Variants in FOXN2 observed in about 807,000 individuals in gnomAD.
FOXN2 encodes forkhead box protein N2.
In FOXN2, 19 loss-of-function variants were observed where a neutral mutation model predicts 41.2. The ratio of observed to expected loss-of-function variants is 0.46; its 90% CI spans 0.32 to 0.68. The LOEUF (loss-of-function observed/expected upper bound fraction) is 0.68, where lower values mean the gene tolerates loss of function less well. FOXN2 is among the 30% of genes least tolerant of loss of function. FOXN2 has a pLI of 0.03. For synonymous variants in FOXN2, 195 were observed against 176.8 expected (o/e 1.10, Z -0.82); for missense variants, 587 against 509.4 (o/e 1.15, Z -1.47).
At chr2:48,357,862 GAAAAAAAAAAA>G (rs200738115) in intron 3 of FOXN2, among the ~76,000 whole-genome samples, 5 of 113,710 alleles carry the variant, frequency 4.4e-5, no homozygotes, top group Non-Finnish European at 9.1e-5. Context: ...GTCTTTTATT[GAAAAAAAAAAA>G]AAAAAAAAGA....
Position 48,375,541 on chromosome 2 carries a change from C to A in FOXN2, c.*98C>A. The A allele has an allele frequency of 8.4e-7, 1 of 1,188,724 alleles. No homozygotes were observed. The highest frequency in any genetic ancestry group is 1.1e-6 in the Non-Finnish European group (1 of 873,126). The allele number at this position is 1,188,724 out of a possible 1,614,324, so 73.6% of individuals were successfully genotyped here. A position where few individuals can be genotyped will look rare whatever the true frequency, so the allele number is the denominator to read the frequency against. ...TTAGTTTTAGGGTAGGGAAGGGATA[C>A]TAATTACTTATTTCTTTCAAAACAT... On this transcript the variant is annotated 3_prime_UTR_variant, in exon 7 of 7. Transcript: ENST00000340553.
chr2:48,353,525 A>C (rs1188448795), intron 3 of FOXN2, among the ~76,000 whole-genome samples: 1 of 149,428 alleles, frequency 6.7e-6, no homozygotes, highest in African/African-American at 2.5e-5. Context: ...TCTGAGGTCA[A>C]GGCCTTAGTA....
intron 1 of FOXN2, among the ~76,000 whole-genome samples, chr2:48,328,131 C>T (rs1264701897): frequency 6.6e-6 from 1 of 152,186 alleles, no homozygotes; most frequent in Non-Finnish European, 1.5e-5. Flanking sequence ...TATACATAAA[C>T]AAATTTTGAT....
At chr2:48,328,216 G>C (rs1475528416) in intron 1 of FOXN2, among the ~76,000 whole-genome samples, 1 of 152,118 alleles carries the variant, frequency 6.6e-6, no homozygotes, top group African/African-American at 2.4e-5. Context: ...GACTTTTTAA[G>C]TTTCTATAAC....
Position 48,355,667 on chromosome 2 carries a change from A to G in FOXN2, c.538-3380A>G, listed in dbSNP as rs961091015. Among the ~76,000 whole-genome samples the G allele has an allele frequency of 2.6e-5, 4 of 152,104 alleles. No homozygotes were observed. In the East Asian group the frequency reaches 5.8e-4, roughly 22 times the overall value. On this transcript the variant is annotated intron_variant, in intron 3 of 6. Coordinates refer to ENST00000340553, the MANE Select transcript of FOXN2 (RefSeq NM_002158.4). ...TAGTTGCACTAAATGTTAGCATTGC[A>G]TTTGGCAACCTTGACAGCACTTTTC...
At chr2:48,315,099 G>A (rs866193201) in intron 1 of FOXN2, among the ~76,000 whole-genome samples, 2 of 152,010 alleles carry the variant, frequency 1.3e-5, no homozygotes, top group Non-Finnish European at 2.9e-5. Context: ...GGTAATGACC[G>A]CCCGGGAGGG....
Position 48,331,331 on chromosome 2 carries a change from G to A in FOXN2, c.-15+2629G>A, listed in dbSNP as rs940012473. Among the ~76,000 whole-genome samples the A allele has an allele frequency of 2.0e-5, 3 of 151,210 alleles. 1 individual carries two copies. The South Asian group carries it at 6.2e-4, about 31-fold the overall frequency. On this transcript the variant is annotated intron_variant, in intron 2 of 6. Coordinates refer to ENST00000340553, the MANE Select transcript of FOXN2 (RefSeq NM_002158.4). Reference sequence around the variant, plus strand: ...ATTATTTAGAAACAACATAGATTTAGGACTCTAAGAACTATAGTATAGGTA... The same window carrying A: ...ATTATTTAGAAACAACATAGATTTAAGACTCTAAGAACTATAGTATAGGTA...
chr2:48,361,426 C>T (rs1672176623), intron 4 of FOXN2, among the ~76,000 whole-genome samples: 1 of 150,168 alleles, frequency 6.7e-6, no homozygotes, highest in African/African-American at 2.5e-5. Context: ...GAGATTGCGC[C>T]ACTGCTCTCC....
At chr2:48,335,387 A>T (rs1228473054) in intron 2 of FOXN2, among the ~76,000 whole-genome samples, 31 of 152,342 alleles carry the variant, frequency 2.0e-4, no homozygotes, top group Non-Finnish European at 2.9e-5. Context: ...AGACCACAAG[A>T]TAGACAAGAA....
intron 3 of FOXN2, among the ~76,000 whole-genome samples, chr2:48,347,533 T>TTGTG (rs113177559): frequency 0.11 from 15,983 of 148,014 alleles, 1,029 homozygotes; most frequent in South Asian, 0.17. Flanking sequence ...AGCCGAGGTG[T>TTGTG]TGTGTGTGTG....
At chr2:48,359,282 G>A (rs1178874619) in intron 4 of FOXN2, 135 bp downstream of exon 4, 2 of 661,124 alleles carry the variant, frequency 3.0e-6, no homozygotes, top group African/African-American at 1.9e-5. Flanking sequence ...TTAGTTTTTA[G>A]TTTTTAGTTT....
chr2:48,339,090 A>G (rs1197449970), intron 2 of FOXN2, among the ~76,000 whole-genome samples: 1 of 152,208 alleles, frequency 6.6e-6, no homozygotes, highest in Non-Finnish European at 1.5e-5. Flanking sequence ...TCATAGCTAT[A>G]TGTTCATATA....
At chr2:48,365,743 C>G (rs1184643530) in intron 5 of FOXN2, among the ~76,000 whole-genome samples, 1 of 151,984 alleles carries the variant, frequency 6.6e-6, no homozygotes, top group Non-Finnish European at 1.5e-5. Context: ...GTGGGGAGGT[C>G]GTTGGCATTC....
intron 2 of FOXN2, among the ~76,000 whole-genome samples, chr2:48,331,472 A>G (rs1670016486): frequency 6.6e-6 from 1 of 152,218 alleles, no homozygotes; most frequent in South Asian, 2.1e-4. Flanking sequence ...AATTGCAGCT[A>G]TTCCTTATTT....
At chr2:48,329,363 T>C (rs556647722) in intron 2 of FOXN2, among the ~76,000 whole-genome samples, 43 of 152,296 alleles carry the variant, frequency 2.8e-4, no homozygotes, top group African/African-American at 1.0e-3. Context: ...CATATTTTTT[T>C]TCTTTTTTTC....
At chr2:48,354,891 G>T (rs1345363455) in intron 3 of FOXN2, among the ~76,000 whole-genome samples, 1 of 152,110 alleles carries the variant, frequency 6.6e-6, no homozygotes, top group Non-Finnish European at 1.5e-5. Context: ...AACAAAAAAT[G>T]CTTTTTTATC....
intron 1 of FOXN2, among the ~76,000 whole-genome samples, chr2:48,321,529 C>G (rs1669317925): frequency 6.6e-6 from 1 of 151,766 alleles, no homozygotes; most frequent in African/African-American, 2.4e-5. Flanking sequence ...GAGCAACACT[C>G]CATCTCAAAA....
chr2:48,340,608 G>A (rs1670689927), intron 2 of FOXN2: 2 of 152,248 alleles, frequency 1.3e-5, no homozygotes, highest in African/African-American at 2.4e-5. Flanking sequence ...GGGTTCCAGA[G>A]TGATTGTACT....
chr2:48,357,439 T>G (rs190911666), intron 3 of FOXN2, among the ~76,000 whole-genome samples: 19 of 152,278 alleles, frequency 1.2e-4, no homozygotes, highest in African/African-American at 4.6e-4. Context: ...TGCGTATCTT[T>G]TCTATATGAA....
Sources: gnomAD v4.1 joint callset for allele counts (sites outside exome capture counted in the v4.1 genomes callset) on GRCh38, gnomAD v4.1.1 for gene constraint, MANE v1.5 for transcripts, NCBI Gene and HGNC (gene_info 2026-07-23, HGNC 2026-07-21) for gene names.